Variants in PRKG1 observed in about 807,000 individuals in gnomAD.
PRKG1 encodes cGMP-dependent protein kinase 1.
In PRKG1, 35 loss-of-function variants were observed where a neutral mutation model predicts 88.1. The observed-to-expected ratio is 0.40, with a 90% CI of 0.30 to 0.53. The LOEUF (loss-of-function observed/expected upper bound fraction) is 0.53. PRKG1 is among the 20% of genes least tolerant of loss of function. PRKG1 has a pLI of 0.59. For missense variants in PRKG1, 540 were observed against 839.8 expected (o/e 0.64, Z 4.41); for synonymous variants, 303 against 292.5 (o/e 1.04, Z -0.37).
intron 3 of PRKG1, among the ~76,000 whole-genome samples, chr10:51,718,087 G>A (rs573457910): frequency 6.6e-6 from 1 of 152,040 alleles, no homozygotes; most frequent in Non-Finnish European, 1.5e-5. Context: ...AATGAAGCCC[G>A]TCTTCTCCTA....
At chr10:51,905,239 G>A (rs1338720862) in intron 4 of PRKG1, among the ~76,000 whole-genome samples, 2 of 152,260 alleles carry the variant, frequency 1.3e-5, no homozygotes, top group South Asian at 2.1e-4. Flanking sequence ...AACCCCACAT[G>A]GCTCAGACCA....
At position 51,903,774 on chromosome 10, in the gene PRKG1, T is replaced by C. The variant is rs536126548; in HGVS notation, c.699-3733T>C. ...TGAAAGGCATTTTTTAGTATATTCA[T>C]TGAAAAGTATGTAGCTCAGTGAGTA... On this transcript the variant is annotated intron_variant, in intron 4 of 17. Coordinates refer to ENST00000373980, the MANE Select transcript of PRKG1 (RefSeq NM_006258.4). Among the ~76,000 whole-genome samples the C allele has an allele frequency of 7.2e-5, 11 of 152,250 alleles. No homozygotes were observed. The South Asian group carries it at 2.3e-3, about 32-fold the overall frequency.
At chr10:51,810,681 T>C (rs10823636) in intron 4 of PRKG1, among the ~76,000 whole-genome samples, 34,312 of 152,052 alleles carry the variant, frequency 0.23, 6,428 homozygotes, top group African/African-American at 0.52. Context: ...TTTATATATA[T>C]GTATTATGAA....
chr10:51,292,481 A>G (rs568889212), intron 2 of PRKG1, among the ~76,000 whole-genome samples: 5 of 152,260 alleles, frequency 3.3e-5, no homozygotes, highest in African/African-American at 1.2e-4. Flanking sequence ...TATTCACCTC[A>G]TTGCTATTTT....
intron 2 of PRKG1, among the ~76,000 whole-genome samples, chr10:51,345,937 G>A (rs1007446051): frequency 1.3e-4 from 20 of 152,198 alleles, no homozygotes; most frequent in Non-Finnish European, 2.8e-4. Flanking sequence ...TTCTTCTGGA[G>A]ATTATGTTCA....
chr10:52,286,570 G>A (rs150813744), intron 14 of PRKG1, among the ~76,000 whole-genome samples: 42 of 152,018 alleles, frequency 2.8e-4, no homozygotes, highest in African/African-American at 9.9e-4. Context: ...GTAGTCTTTG[G>A]CAATCTTAAA....
At chr10:51,317,828 G>C (rs1047740334) in intron 2 of PRKG1, among the ~76,000 whole-genome samples, 4 of 152,004 alleles carry the variant, frequency 2.6e-5, no homozygotes, top group African/African-American at 9.7e-5. Flanking sequence ...GTTATGCCAG[G>C]GTCTCCAAAA....
chr10:51,156,358 G>T (rs762571050), intron 2 of PRKG1, among the ~76,000 whole-genome samples: 1 of 124,294 alleles, frequency 8.0e-6, no homozygotes, highest in Non-Finnish European at 1.8e-5. Flanking sequence ...AAATACTCAT[G>T]ATAGGTGATA....
intron 1 of PRKG1, among the ~76,000 whole-genome samples, chr10:50,994,760 T>A (rs1842818918): frequency 6.7e-6 from 1 of 149,608 alleles, no homozygotes; most frequent in Admixed American, 6.7e-5. Context: ...GCCCCTTCTA[T>A]CCATGGGTTC....
chr10:51,270,942 C>A (rs1839963666), intron 2 of PRKG1, among the ~76,000 whole-genome samples: 1 of 152,204 alleles, frequency 6.6e-6, no homozygotes, highest in Non-Finnish European at 1.5e-5. Flanking sequence ...AGAGCACATT[C>A]TAATGACTAC....
chr10:52,123,122 C>A (rs1847858178), intron 7 of PRKG1, among the ~76,000 whole-genome samples: 1 of 151,994 alleles, frequency 6.6e-6, no homozygotes, highest in Non-Finnish European at 1.5e-5. Context: ...TGAAGAATGC[C>A]ATAGAAAGTG....
chr10:51,073,984 G>A (rs1201282077), upstream of PRKG1, among the ~76,000 whole-genome samples: 1 of 152,108 alleles, frequency 6.6e-6, no homozygotes, highest in African/African-American at 2.4e-5. Flanking sequence ...CCTATGCCTC[G>A]TACGTCGCTA....
chr10:51,460,893 A>G (rs1458650288), intron 2 of PRKG1, among the ~76,000 whole-genome samples: 2 of 152,178 alleles, frequency 1.3e-5, no homozygotes, highest in Non-Finnish European at 2.9e-5. Context: ...CTTAAATTTC[A>G]GTCTGTTTCC....
chr10:51,331,430 A>G (rs1246020488), intron 2 of PRKG1, among the ~76,000 whole-genome samples: 2 of 152,086 alleles, frequency 1.3e-5, no homozygotes, highest in East Asian at 1.9e-4. Flanking sequence ...CCTGAAATAC[A>G]GGTCTGGGGG....
At chr10:52,221,187 T>G (rs1247363309) in intron 9 of PRKG1, among the ~76,000 whole-genome samples, 1 of 152,182 alleles carries the variant, frequency 6.6e-6, no homozygotes, top group Non-Finnish European at 1.5e-5. Context: ...GTTGGCCGCA[T>G]GTACAGAAAT....
chr10:51,941,193 G>T (rs899329297), intron 5 of PRKG1, among the ~76,000 whole-genome samples: 2 of 151,930 alleles, frequency 1.3e-5, no homozygotes, highest in Non-Finnish European at 2.9e-5. Context: ...TTTGTTCCAT[G>T]TATTTTCTTA....
At chr10:52,278,035 A>G (rs1182104060) in intron 12 of PRKG1, among the ~76,000 whole-genome samples, 1 of 152,196 alleles carries the variant, frequency 6.6e-6, no homozygotes, top group Non-Finnish European at 1.5e-5. Flanking sequence ...CAACCTACAG[A>G]ATGGGAGAAA....
chr10:51,049,336 C>T (rs1329111588), intron 1 of PRKG1, among the ~76,000 whole-genome samples: 1 of 152,174 alleles, frequency 6.6e-6, no homozygotes, highest in African/African-American at 2.4e-5. Context: ...CTCATAACTG[C>T]CACTTGAGTG....
chr10:51,938,187 A>G (rs1842835000), intron 5 of PRKG1, among the ~76,000 whole-genome samples: 1 of 152,108 alleles, frequency 6.6e-6, no homozygotes, highest in Non-Finnish European at 1.5e-5. Context: ...CAGTACATTA[A>G]GATATTTTGA....
Sources: allele counts gnomAD v4.1 joint callset (sites outside exome capture counted in the v4.1 genomes callset), GRCh38; gene constraint gnomAD v4.1.1; transcripts MANE v1.5; gene names NCBI Gene and HGNC (gene_info 2026-07-23, HGNC 2026-07-21).